Variants in TBCEL observed in about 807,000 individuals in gnomAD.
The protein encoded by TBCEL is tubulin folding cofactor E like.
A neutral mutation model predicts 44.2 loss-of-function variants in TBCEL; 15 were observed. The observed-to-expected ratio is 0.34, with a 90% CI of 0.23 to 0.52. The LOEUF (loss-of-function observed/expected upper bound fraction) is 0.52, where lower values mean the gene tolerates loss of function less well. TBCEL is among the 20% of genes least tolerant of loss of function. The pLI, the probability that TBCEL is intolerant of heterozygous loss-of-function variation, is 0.95. For missense variants in TBCEL, 319 were observed against 506.3 expected, an observed-to-expected ratio of 0.63 and a Z score of 3.55; for synonymous variants, 171 against 185.4, an observed-to-expected ratio of 0.92 and a Z score of 0.63.
chr11:121,036,399 G>C (rs1432016075), intron 1 of TBCEL, 106 bp from the exon 2 acceptor site: 1 of 152,344 alleles, frequency 6.6e-6, no homozygotes, highest in East Asian at 1.9e-4. Flanking sequence ...GGGCAGGGTG[G>C]AAGTCTCCTT....
chr11:121,027,044 A>G (rs994929663), intron 1 of TBCEL, among the ~76,000 whole-genome samples: 13 of 152,174 alleles, frequency 8.5e-5, no homozygotes, highest in African/African-American at 2.9e-4. Flanking sequence ...TTTGTTATAT[A>G]ATACTTTTTT....
chr11:121,029,428 A>T (rs901494276), intron 1 of TBCEL, among the ~76,000 whole-genome samples: 8 of 152,206 alleles, frequency 5.3e-5, no homozygotes, highest in African/African-American at 1.9e-4. Flanking sequence ...GATGCTTCAA[A>T]AACTTTATTT....
intron 8 of TBCEL, 130 bp from the exon 9 acceptor site, chr11:121,086,648 G>C: frequency 2.8e-6 from 2 of 704,354 alleles, no homozygotes; most frequent in Middle Eastern, 3.7e-4. Flanking sequence ...GAGTCCATAG[G>C]AGTCATGTGA....
chr11:121,039,810 A>G (rs778611506), intron 2 of TBCEL, among the ~76,000 whole-genome samples: 11 of 152,200 alleles, frequency 7.2e-5, no homozygotes, highest in Non-Finnish European at 1.5e-4. Context: ...AGCCTTTGAC[A>G]AATTGTTTAC....
chr11:121,052,251 T>C (rs1033421655), intron 4 of TBCEL, among the ~76,000 whole-genome samples: 1 of 151,880 alleles, frequency 6.6e-6, no homozygotes, highest in South Asian at 2.1e-4. Flanking sequence ...AGGTAAGTAC[T>C]ATATCTGCTT....
At chr11:121,024,486 G>A (rs1945008585) in intron 1 of TBCEL, among the ~76,000 whole-genome samples, 195 bp downstream of exon 1, 1 of 146,812 alleles carries the variant, frequency 6.8e-6, no homozygotes, top group African/African-American at 2.5e-5. Context: ...GGAGGATGGG[G>A]CCTGCCTGGC....
At chr11:121,036,250 C>G (rs930270023) in intron 1 of TBCEL, 1 of 152,106 alleles carries the variant, frequency 6.6e-6, no homozygotes, top group Non-Finnish European at 1.5e-5. Flanking sequence ...TCTGATCCTG[C>G]TTTGAATAAA....
intron 4 of TBCEL, 23 bp from the exon 5 acceptor site, chr11:121,053,528 T>C (rs932646716): frequency 2.5e-6 from 4 of 1,608,216 alleles, no homozygotes; most frequent in Non-Finnish European, 2.6e-6. Flanking sequence ...TGCCTGATAA[T>C]GCTTTTCTTT....
chr11:121,041,273 T>C (rs1452739210), intron 2 of TBCEL, among the ~76,000 whole-genome samples: 3 of 152,204 alleles, frequency 2.0e-5, no homozygotes, highest in Non-Finnish European at 4.4e-5. Flanking sequence ...TTAACCTCAG[T>C]AGTGGTTAAG....
chr11:121,053,799 C>A, intron 5 of TBCEL, 67 bp downstream of exon 5: 3 of 1,482,860 alleles, frequency 2.0e-6, no homozygotes, highest in Non-Finnish European at 2.8e-6. Context: ...AGGAGTACTG[C>A]TGATCTCCCA....
At position 121,058,363 on chromosome 11, in the gene TBCEL, A is replaced by T; in HGVS notation, c.731A>T (p.Asp244Val). 6.2e-7 allele frequency: 1 copy of T among 1,611,572 alleles called. No homozygotes were observed. The highest frequency in any genetic ancestry group is 8.5e-7 in the Non-Finnish European group (1 of 1,178,164). The part of the protein sequence containing the change: ...LHKSGLQSWE[D>V]IDKLNSFPKL... ...AAATTAGGTTTGCAGTCCTGGGAAGACATTGATAAACTAAATTCATTTCCC... is the reference window on the plus strand; with the variant it reads ...AAATTAGGTTTGCAGTCCTGGGAAGTCATTGATAAACTAAATTCATTTCCC... The change falls in exon 7 of 9, where the codon GAC (aspartate) becomes GTC (valine). Residue 244 changes from aspartate (D) to valine (V), a missense_variant. Coordinates refer to ENST00000683345, the MANE Select transcript of TBCEL (RefSeq NM_001363644.2).
chr11:121,049,624 C>G (rs1565496543), intron 4 of TBCEL, among the ~76,000 whole-genome samples: 1 of 151,714 alleles, frequency 6.6e-6, no homozygotes, highest in Non-Finnish European at 1.5e-5. Flanking sequence ...CAGATTGTGC[C>G]TTCTTGGTCC....
chr11:121,089,645 AAAG>A lies in TBCEL; in HGVS notation c.*2553_*2555del, dbSNP rs747702460. ...CAAAATTATTTTTATAACAGAACTA[AAAG>A]AAGGAGAGAAGAGGCCATGGACCTT... On this transcript the variant is annotated 3_prime_UTR_variant, in exon 9 of 9. Coordinates refer to ENST00000683345, the MANE Select transcript of TBCEL (RefSeq NM_001363644.2). 1 of 152,184 alleles carries A rather than the reference AAAG, an allele frequency of 6.6e-6. No individual in the cohort carries two copies. The highest frequency in any genetic ancestry group is 2.4e-5 in the African/African-American group (1 of 41,446). The allele number at this position is 152,184 out of a possible 1,614,324, so 9.4% of individuals were successfully genotyped here. A position where few individuals can be genotyped will look rare whatever the true frequency, so the allele number is the denominator to read the frequency against.
chr11:121,055,250 T>G lies in TBCEL; in HGVS notation c.654T>G (p.Pro218=). 6.2e-7 allele frequency: 1 copy of G among 1,611,832 alleles called. No homozygotes were observed. Among genetic ancestry groups the G allele is most frequent in the Non-Finnish European group, 8.5e-7 (1 of 1,178,780 alleles). Residue 218 remains proline, a synonymous_variant, in exon 6 of 9, where the codon CCT becomes CCG. Coordinates refer to ENST00000683345, the MANE Select transcript of TBCEL (RefSeq NM_001363644.2). ...ATCATTTGAATGCTATTGAGGAGCC[T>G]GATGATTCATTGGCCAGGTTGTTTC... ...ANNHLNAIEE[P]DDSLARLFPN...
chr11:121,077,576 G>T (rs1946054798), intron 8 of TBCEL, among the ~76,000 whole-genome samples: 1 of 151,882 alleles, frequency 6.6e-6, no homozygotes. Flanking sequence ...ACCAGCTTCG[G>T]GTGTTATGAG....
intron 8 of TBCEL, among the ~76,000 whole-genome samples, chr11:121,062,981 T>C (rs774648290): frequency 5.3e-5 from 8 of 152,154 alleles, no homozygotes; most frequent in Non-Finnish European, 1.2e-4. Context: ...AAAAAATATT[T>C]ACTAAGTACT....
At chr11:121,059,124 G>A (rs1190715054) in intron 7 of TBCEL, among the ~76,000 whole-genome samples, 1 of 151,888 alleles carries the variant, frequency 6.6e-6, no homozygotes, top group Admixed American at 6.6e-5. Flanking sequence ...TTTGAAAGGG[G>A]AACTGTAGGC....
intron 8 of TBCEL, among the ~76,000 whole-genome samples, chr11:121,069,440 G>C (rs942085673): frequency 1.3e-5 from 2 of 152,194 alleles, no homozygotes; most frequent in Non-Finnish European, 2.9e-5. Context: ...AAGGTACAGA[G>C]GTATGAAATG....
Position 121,088,588 on chromosome 11 carries a change from A to G in TBCEL, c.*1492A>G, listed in dbSNP as rs1245025271. 3 of 152,238 alleles carry G rather than the reference A, an allele frequency of 2.0e-5. No homozygotes were observed. Among genetic ancestry groups the G allele is most frequent in the African/African-American group, 7.2e-5 (3 of 41,476 alleles). The allele number at this position is 152,238 out of a possible 1,614,324, so 9.4% of individuals were successfully genotyped here. A position where few individuals can be genotyped will look rare whatever the true frequency, so the allele number is the denominator to read the frequency against. Reference sequence around the variant, plus strand: ...AAGTGAAGTATTTTTCAAAGAATGCAGTTATTATCTGATTGCATTTGACCT... The same window carrying G: ...AAGTGAAGTATTTTTCAAAGAATGCGGTTATTATCTGATTGCATTTGACCT... On this transcript the variant is annotated 3_prime_UTR_variant, in exon 9 of 9. Coordinates refer to ENST00000683345, the MANE Select transcript of TBCEL (RefSeq NM_001363644.2).
Sources: gnomAD v4.1 joint callset for allele counts (sites outside exome capture counted in the v4.1 genomes callset) on GRCh38, gnomAD v4.1.1 for gene constraint, MANE v1.5 for transcripts, NCBI Gene and HGNC (gene_info 2026-07-23, HGNC 2026-07-21) for gene names.